Variants in GAB1 observed in about 807,000 individuals in gnomAD.
GAB1 encodes GRB2-associated-binding protein 1.
GAB1 carries 19 observed loss-of-function variants against 66.5 expected under a neutral mutation model. The ratio of observed to expected loss-of-function variants is 0.29; its 90% confidence interval spans 0.20 to 0.42. The LOEUF is 0.42. GAB1 is among the 10% of genes least tolerant of loss of function. The pLI is 1.00. For synonymous variants in GAB1, 294 were observed against 301.4 expected, an observed-to-expected ratio of 0.98 and a Z score of 0.25; for missense variants, 732 against 858.5, an observed-to-expected ratio of 0.85 and a Z score of 1.84.
intron 6 of GAB1, among the ~76,000 whole-genome samples, chr4:143,448,524 G>A (rs1267044787): frequency 2.0e-5 from 3 of 151,746 alleles, no homozygotes; most frequent in Non-Finnish European, 4.4e-5. Flanking sequence ...TCTTGGGAGA[G>A]TGTATGTGTC....
chr4:143,405,254 CTG>C (rs1315230997), intron 1 of GAB1, among the ~76,000 whole-genome samples: 2 of 152,076 alleles, frequency 1.3e-5, no homozygotes, highest in African/African-American at 4.8e-5. Flanking sequence ...GACTATGTAA[CTG>C]TGTATATATA....
chr4:143,430,772 A>C (rs993575628), intron 2 of GAB1, among the ~76,000 whole-genome samples: 1 of 152,176 alleles, frequency 6.6e-6, no homozygotes, highest in African/African-American at 2.4e-5. Context: ...AATTTACAGA[A>C]AAACCATATT....
intron 3 of GAB1, 56 bp downstream of exon 3, chr4:143,433,772 C>T: frequency 2.2e-6 from 3 of 1,340,836 alleles, no homozygotes; most frequent in Non-Finnish European, 3.2e-6. Context: ...TGTGTGTACA[C>T]ACTGAGATTC....
chr4:143,366,888 A>G (rs1207597643), intron 1 of GAB1, among the ~76,000 whole-genome samples: 1 of 151,890 alleles, frequency 6.6e-6, no homozygotes, highest in Admixed American at 6.6e-5. Context: ...CATTTCTCTT[A>G]CCTGTCTCTG....
At position 143,440,178 on chromosome 4, in the gene GAB1, A is replaced by T. The variant is rs778520256; in HGVS notation, c.1381A>T (p.Ser461Cys). 1 of 1,614,198 alleles carries T rather than the reference A, an allele frequency of 6.2e-7. No individual in the cohort carries two copies. Among genetic ancestry groups the T allele is most frequent in the South Asian group, 1.1e-5 (1 of 91,084 alleles). ...CAATTCACCACCACGACAACATTCCAGCAGTTTTACAGAACCAATTCAGGA... is the reference window on the plus strand; with the variant it reads ...CAATTCACCACCACGACAACATTCCTGCAGTTTTACAGAACCAATTCAGGA... ...NPNSPPRQHS[S>C]SFTEPIQEAN... Residue 461 changes from serine to cysteine, a missense_variant, in exon 6 of 10, where the codon AGC becomes TGC. Transcript: ENST00000262994.
chr4:143,415,090 G>A (rs28925893), intron 1 of GAB1, among the ~76,000 whole-genome samples: 1,778 of 151,922 alleles, frequency 0.012, 34 homozygotes, highest in African/African-American at 0.041. Flanking sequence ...GTCTTTTTAT[G>A]ACTGGCTTAT....
At chr4:143,366,806 AAATTGATTTTCAATTC>A (rs1225964697) in intron 1 of GAB1, among the ~76,000 whole-genome samples, 1 of 152,120 alleles carries the variant, frequency 6.6e-6, no homozygotes, top group East Asian at 1.9e-4. Context: ...CAATTTGAAA[AAATTGATTTTCAATTC>A]AATTTTTGAA....
At chr4:143,453,593 A>G (rs1011230398) in intron 6 of GAB1, among the ~76,000 whole-genome samples, 2 of 152,178 alleles carry the variant, frequency 1.3e-5, no homozygotes, top group Non-Finnish European at 2.9e-5. Flanking sequence ...CTTCAGAGAA[A>G]TGTAACGATT....
intron 2 of GAB1, among the ~76,000 whole-genome samples, chr4:143,420,898 C>T (rs115889623): frequency 2.6e-5 from 4 of 151,960 alleles, no homozygotes; most frequent in African/African-American, 9.7e-5. Context: ...TTTAAAATTT[C>T]TTTTTATTTA....
rs1344296521 is a variant in GAB1, at chr4:143,415,580, T to G, written c.176T>G (p.Ile59Ser). The G allele has an allele frequency of 6.2e-7, 1 of 1,613,612 alleles. No individual in the cohort carries two copies. Among genetic ancestry groups the G allele is most frequent in the East Asian group, 2.2e-5 (1 of 44,864 alleles). ...KNDHAKKPIR[I>S]IDLNLCQQVD... is the part of the protein sequence containing the mutation. ...GATCATGCCAAGAAGCCTATTCGTA[T>G]TATTGATTTAAATTTATGTCAACAA... The change falls in exon 2 of 10, where the codon ATT becomes AGT. Residue 59 changes from isoleucine to serine, a missense_variant. By Grantham distance (142) the Ile-to-Ser change is moderately radical. Coordinates refer to ENST00000262994, the MANE Select transcript of GAB1 (RefSeq NM_002039.4).
chr4:143,423,808 A>G (rs1296393446), intron 2 of GAB1, among the ~76,000 whole-genome samples: 3 of 83,300 alleles, frequency 3.6e-5, no homozygotes, highest in African/African-American at 4.1e-5. Flanking sequence ...ATATATATAT[A>G]TATATATATA....
At chr4:143,441,976 T>C (rs1424185071) in intron 6 of GAB1, among the ~76,000 whole-genome samples, 1 of 152,232 alleles carries the variant, frequency 6.6e-6, no homozygotes, top group Non-Finnish European at 1.5e-5. Flanking sequence ...GGGCTGTGAT[T>C]GCGGTGTGGA....
At chr4:143,367,686 T>G (rs922227952) in intron 1 of GAB1, among the ~76,000 whole-genome samples, 2 of 150,442 alleles carry the variant, frequency 1.3e-5, no homozygotes, top group African/African-American at 2.4e-5. Context: ...GGATCAACCT[T>G]AAGTCAGAGA....
intron 1 of GAB1, among the ~76,000 whole-genome samples, chr4:143,344,404 A>G (rs137983567): frequency 6.6e-6 from 1 of 152,322 alleles, no homozygotes; most frequent in East Asian, 1.9e-4. Context: ...TGAATTTGCC[A>G]TTTGAACTTG....
rs1362208338 is a variant in GAB1, at chr4:143,470,855, A to G, written c.*1666A>G. 1 of 152,252 alleles carries G rather than the reference A, an allele frequency of 6.6e-6. No individual in the cohort carries two copies. Among genetic ancestry groups the G allele is most frequent in the African/African-American group, 2.4e-5 (1 of 41,480 alleles). The allele number at this position is 152,252 out of a possible 1,614,324, so 9.4% of individuals were successfully genotyped here. Reference sequence around the variant, plus strand: ...CCCAATCCTCAAACTAAAAATGTTCATAACAAGATGAATTGTAGACTAGTA... The same window carrying G: ...CCCAATCCTCAAACTAAAAATGTTCGTAACAAGATGAATTGTAGACTAGTA... On this transcript the variant is annotated 3_prime_UTR_variant, in exon 10 of 10. Coordinates refer to ENST00000262994, the MANE Select transcript of GAB1 (RefSeq NM_002039.4).
intron 1 of GAB1, among the ~76,000 whole-genome samples, chr4:143,350,761 T>TA (rs1331883060): frequency 6.6e-6 from 1 of 151,390 alleles, no homozygotes; most frequent in Non-Finnish European, 1.5e-5. Flanking sequence ...TTATATAAAA[T>TA]ATATTTAAAA....
At chr4:143,371,597 T>C (rs1730123514) in intron 1 of GAB1, among the ~76,000 whole-genome samples, 1 of 152,240 alleles carries the variant, frequency 6.6e-6, no homozygotes, top group African/African-American at 2.4e-5. Context: ...CCATTGCTTT[T>C]GGTGTTTTAG....
intron 2 of GAB1, among the ~76,000 whole-genome samples, chr4:143,420,528 G>A (rs1021259246): frequency 2.0e-5 from 3 of 152,028 alleles, no homozygotes; most frequent in Non-Finnish European, 4.4e-5. Flanking sequence ...ACTGTGTGTG[G>A]TTCCTATGAA....
chr4:143,440,094 T>C lies in GAB1; in HGVS notation c.1297T>C (p.Leu433=), dbSNP rs958774873. 1 of 1,613,322 alleles carries C rather than the reference T, an allele frequency of 6.2e-7. No individual in the cohort carries two copies. The highest frequency in any genetic ancestry group is 1.3e-5 in the African/African-American group (1 of 74,886). ...FHNHFKVKNV[L]TVGSVSSEEL... ...TGTGTTTTAGAAAGTCAAAAATGTG[T>C]TGACAGTGGGAAGTGTTTCAAGTGA... is the stretch of plus-strand genomic sequence containing the variant. Residue 433 remains leucine (L), a synonymous_variant, in exon 6 of 10, where the codon TTG becomes CTG. Coordinates refer to ENST00000262994, the MANE Select transcript of GAB1 (RefSeq NM_002039.4).
Sources: allele counts gnomAD v4.1 joint callset (sites outside exome capture counted in the v4.1 genomes callset), GRCh38; gene constraint gnomAD v4.1.1; transcripts MANE v1.5; gene names NCBI Gene and HGNC (gene_info 2026-07-23, HGNC 2026-07-21).